ZRANB1: variants seen among roughly 807,000 people sequenced by gnomAD.
ZRANB1 encodes the protein zinc finger RANBP2-type containing 1, also known as ubiquitin thioesterase ZRANB1.
Under a neutral mutation model 80.5 loss-of-function variants are expected in ZRANB1, and 16 were observed. The ratio of observed to expected loss-of-function variants is 0.20; its 90% CI spans 0.13 to 0.30. The LOEUF is 0.30. Ranked by LOEUF, ZRANB1 falls within the 10% of genes least tolerant of loss-of-function variation. ZRANB1 has a pLI of 1.00. For missense variants in ZRANB1, 576 were observed against 862.6 expected, an observed-to-expected ratio of 0.67 and a Z score of 4.16; for synonymous variants, 291 against 293.1, an observed-to-expected ratio of 0.99 and a Z score of 0.07.
chr10:124,929,865 G>A, the ZRANB1 span, among the ~76,000 whole-genome samples: 4 of 148,142 alleles, frequency 2.7e-5, no homozygotes. Flanking sequence ...AGAATCACTT[G>A]AACCTGGGAG....
chr10:124,940,469 C>A (rs1346964358), upstream of ZRANB1: 26 of 1,282,168 alleles, frequency 2.0e-5, no homozygotes, highest in Non-Finnish European at 2.5e-5. Flanking sequence ...GGAATCTTGT[C>A]TTTGATCTGA....
intron 1 of ZRANB1, among the ~76,000 whole-genome samples, chr10:124,955,698 A>G (rs1412387861): frequency 2.6e-5 from 4 of 152,166 alleles, no homozygotes; most frequent in Non-Finnish European, 4.4e-5. Context: ...TTGTTTTTCA[A>G]GTTTTTAAGG....
chr10:124,940,946 C>T (rs1951530013), upstream of ZRANB1, among the ~76,000 whole-genome samples: 1 of 151,962 alleles, frequency 6.6e-6, no homozygotes, highest in African/African-American at 2.4e-5. Context: ...CACTCCACTG[C>T]ATTCCAGCCT....
Position 124,942,413 on chromosome 10 carries a change from G to A in ZRANB1, c.-81G>A, listed in dbSNP as rs1468283718. On this transcript the variant is annotated 5_prime_UTR_variant, in exon 1 of 9. It adds an upstream start codon to the 5' untranslated region. Transcript: ENST00000359653. ...CTTTTTGGGCAGCGTATTTTTGGAG[G>A]TGGAATGTAGTTATTTTAATAACCA... is the stretch of plus-strand genomic sequence containing the variant. 1 of 1,566,504 alleles carries A rather than the reference G, an allele frequency of 6.4e-7. No homozygotes were observed. The highest frequency in any genetic ancestry group is 2.3e-5 in the East Asian group (1 of 43,116).
chr10:124,959,040 G>A (rs1430856777), intron 1 of ZRANB1, among the ~76,000 whole-genome samples: 1 of 152,054 alleles, frequency 6.6e-6, no homozygotes, highest in Non-Finnish European at 1.5e-5. Flanking sequence ...ATGCATTCAG[G>A]TACTCCCTGA....
chr10:124,937,392 A>C (rs1951497370), upstream of ZRANB1, among the ~76,000 whole-genome samples: 1 of 151,362 alleles, frequency 6.6e-6, no homozygotes, highest in Admixed American at 6.6e-5. Context: ...CGCCATGTTG[A>C]CCAGGCTGGT....
At chr10:124,970,833 G>T (rs1227554582) in intron 2 of ZRANB1, among the ~76,000 whole-genome samples, 9 of 85,384 alleles carry the variant, frequency 1.1e-4, no homozygotes, top group East Asian at 8.0e-4. Context: ...TCTCTTTGGG[G>T]TTTTTTTTTT....
In ZRANB1 at chr10:124,986,471, T is replaced by A. The variant is rs1447216434; in HGVS notation, c.*1479T>A. The A allele has an allele frequency of 6.6e-6, 1 of 152,210 alleles. No individual in the cohort carries two copies. Among genetic ancestry groups the A allele is most frequent in the Non-Finnish European group, 1.5e-5 (1 of 68,026 alleles). The allele number at this position is 152,210 out of a possible 1,614,324, so 9.4% of individuals were successfully genotyped here. A position where few individuals can be genotyped will look rare whatever the true frequency, so the allele number is the denominator to read the frequency against. On this transcript the variant is annotated 3_prime_UTR_variant, in exon 9 of 9. Coordinates refer to ENST00000359653, the MANE Select transcript of ZRANB1 (RefSeq NM_017580.3). ...TAGAAAAATACCCACAAAACTGTCA[T>A]GTCTTTAGTTCTTTCCCCCCGAAAA...
the ZRANB1 span, among the ~76,000 whole-genome samples, chr10:124,925,324 T>C: frequency 6.6e-6 from 1 of 152,224 alleles, no homozygotes; most frequent in Admixed American, 6.5e-5. Context: ...TCTCCTAGTT[T>C]TTATTTGCAT....
intron 5 of ZRANB1, among the ~76,000 whole-genome samples, chr10:124,980,790 A>T (rs1951924957): frequency 6.6e-6 from 1 of 152,066 alleles, no homozygotes; most frequent in Non-Finnish European, 1.5e-5. Flanking sequence ...TTCCCCCCGC[A>T]ATATAGCCGG....
the ZRANB1 span, among the ~76,000 whole-genome samples, chr10:124,935,578 A>G: frequency 1.2e-4 from 18 of 152,210 alleles, no homozygotes; most frequent in Admixed American, 1.1e-3. Context: ...TCTGCCACCA[A>G]CTGTGGGCCC....
chr10:124,972,192 G>C, intron 3 of ZRANB1, 74 bp downstream of exon 3: 1 of 1,470,136 alleles, frequency 6.8e-7, no homozygotes, highest in Non-Finnish European at 9.3e-7. Flanking sequence ...GGTGAAAAAT[G>C]TTTCTGTTAG....
At chr10:124,918,849 TG>T in the ZRANB1 span, among the ~76,000 whole-genome samples, 1 of 152,260 alleles carries the variant, frequency 6.6e-6, no homozygotes, top group African/African-American at 2.4e-5. Flanking sequence ...TTGTTTTTAT[TG>T]GGCTGTTGGG....
chr10:124,967,545 G>T (rs977746075), intron 2 of ZRANB1, among the ~76,000 whole-genome samples: 1 of 152,174 alleles, frequency 6.6e-6, no homozygotes. Context: ...AGGTATGGGC[G>T]CAGGGGAGTG....
In ZRANB1 at chr10:124,943,068, C is replaced by T; in HGVS notation, c.575C>T (p.Ser192Phe). ...GAATTGGCAGAGACTGAAGAGGCTT[C>T]TTCAATAATAAATGAGCAAGACAGA... ...AIELAETEEA[S>F]SIINEQDRAR... The change falls in exon 1 of 9, where the codon TCT (serine) becomes TTT (phenylalanine). Residue 192 changes from serine to phenylalanine, a missense_variant. By Grantham distance (155) the Ser-to-Phe change is radical. Coordinates refer to ENST00000359653, the MANE Select transcript of ZRANB1 (RefSeq NM_017580.3). 1.2e-6 allele frequency: 2 copies of T among 1,614,174 alleles called. No homozygotes were observed. Among genetic ancestry groups the T allele is most frequent in the African/African-American group, 1.3e-5 (1 of 75,036 alleles).
chr10:124,946,161 T>TGGC (rs1193906992), intron 1 of ZRANB1: 3 of 152,344 alleles, frequency 2.0e-5, no homozygotes, highest in African/African-American at 2.4e-5. Flanking sequence ...CTCAGGTCTG[T>TGGC]TAATCCCAGC....
At position 124,942,477 on chromosome 10, in the gene ZRANB1, A is replaced by T. The variant is rs771692751; in HGVS notation, c.-17A>T. On this transcript the variant is annotated 5_prime_UTR_variant, in exon 1 of 9. Coordinates refer to ENST00000359653, the MANE Select transcript of ZRANB1 (RefSeq NM_017580.3). ...TATAGCTTCCTGCCTGACACAGCTC[A>T]CTTCAAGAAGTGCACAATGTCAGAA... 1.9e-6 allele frequency: 3 copies of T among 1,613,988 alleles called. No individual in the cohort carries two copies. Among genetic ancestry groups the T allele is most frequent in the Non-Finnish European group, 2.5e-6 (3 of 1,179,850 alleles).
rs199942522 is a variant in ZRANB1 at position 124,960,705 on chromosome 10, AC to A, written c.815-5887del. 7.0e-3 allele frequency among the ~76,000 whole-genome samples: 1,061 copies of A among 151,894 alleles called. 17 individuals are homozygous for A. Among genetic ancestry groups the A allele is most frequent in the African/African-American group, 0.024 (1,004 of 41,398 alleles). ...CAAAGTGCTGAGATTATAGGTGTGA[AC>A]CACTGCACCCAGCCTCCCATTTCCA... On this transcript the variant is annotated intron_variant, in intron 1 of 8. Coordinates refer to ENST00000359653, the MANE Select transcript of ZRANB1 (RefSeq NM_017580.3).
chr10:124,929,994 C>T, the ZRANB1 span, among the ~76,000 whole-genome samples: 1 of 151,240 alleles, frequency 6.6e-6, no homozygotes, highest in South Asian at 2.1e-4. Flanking sequence ...GGGAAGGTAC[C>T]TGAGGATTCA....
Sources: allele counts gnomAD v4.1 joint callset (sites outside exome capture counted in the v4.1 genomes callset), GRCh38; gene constraint gnomAD v4.1.1; transcripts MANE v1.5; gene names NCBI Gene and HGNC (gene_info 2026-07-23, HGNC 2026-07-21).